The following DAB1 variants were observed in gnomAD, a reference collection of about 807,000 sequenced individuals.
The protein encoded by DAB1 is disabled homolog 1.
Under a neutral mutation model 64.6 loss-of-function variants are expected in DAB1, and 15 were observed. That is an observed-to-expected ratio of 0.23 (90% CI 0.16 to 0.36). DAB1 has a LOEUF of 0.36. Among genes scored for constraint, DAB1 ranks in the 10% least tolerant of loss-of-function variants. The probability of loss-of-function intolerance (pLI) is 1.00; values close to 1 mark genes in which losing one functional copy is unlikely to be tolerated. For missense variants in DAB1, 596 were observed against 706.7 expected (o/e 0.84, Z 1.78); for synonymous variants, 235 against 251.9 (o/e 0.93, Z 0.64).
At chr1:58,052,127 T>G (rs1202978625) in intron 5 of DAB1, among the ~76,000 whole-genome samples, 1 of 152,244 alleles carries the variant, frequency 6.6e-6, no homozygotes, top group African/African-American at 2.4e-5. Flanking sequence ...CCCATGCCTA[T>G]GTCCTGAATG....
intron 6 of DAB1, among the ~76,000 whole-genome samples, chr1:57,792,822 T>A (rs945388330): frequency 6.6e-6 from 1 of 152,206 alleles, no homozygotes; most frequent in Non-Finnish European, 1.5e-5. Context: ...AGGAGCTCAA[T>A]ACATATTTTT....
intron 4 of DAB1, among the ~76,000 whole-genome samples, chr1:58,284,216 G>A (rs576327461): frequency 6.6e-6 from 1 of 152,320 alleles, no homozygotes; most frequent in Non-Finnish European, 1.5e-5. Context: ...TAAAATTCTG[G>A]TATTTTGTTT....
At chr1:57,355,309 T>C (rs1161299251) in intron 1 of DAB1, among the ~76,000 whole-genome samples, 1 of 151,900 alleles carries the variant, frequency 6.6e-6, no homozygotes, top group Non-Finnish European at 1.5e-5. Flanking sequence ...CTTACCTACC[T>C]ACTTATCTAT....
chr1:58,223,627 C>T (rs367645275), intron 4 of DAB1, among the ~76,000 whole-genome samples: 24 of 152,200 alleles, frequency 1.6e-4, no homozygotes, highest in Admixed American at 9.2e-4. Flanking sequence ...TTCAGCCCAA[C>T]GAATCTGAAG....
chr1:57,799,718 T>A (rs746324241), intron 6 of DAB1, among the ~76,000 whole-genome samples: 5 of 152,098 alleles, frequency 3.3e-5, no homozygotes, highest in Admixed American at 2.6e-4. Flanking sequence ...CTAAGAATGG[T>A]TTTTACATTT....
chr1:57,639,524 G>A (rs185416040), intron 7 of DAB1, among the ~76,000 whole-genome samples: 2 of 152,256 alleles, frequency 1.3e-5, no homozygotes, highest in Admixed American at 1.3e-4. Context: ...AATTGAGCAG[G>A]ATACTCAGAG....
At chr1:58,189,941 GT>G (rs1657295323) in intron 4 of DAB1, among the ~76,000 whole-genome samples, 1 of 152,138 alleles carries the variant, frequency 6.6e-6, no homozygotes, top group African/African-American at 2.4e-5. Flanking sequence ...GCACACCCTT[GT>G]ATTTGTCCTC....
At chr1:58,290,047 A>C (rs145780996) in intron 4 of DAB1, among the ~76,000 whole-genome samples, 1 of 152,190 alleles carries the variant, frequency 6.6e-6, no homozygotes, top group Admixed American at 6.5e-5. Flanking sequence ...TCAGTTAAAA[A>C]CCACAAATAT....
intron 3 of DAB1, among the ~76,000 whole-genome samples, chr1:58,344,528 A>G (rs954403839): frequency 4.6e-5 from 7 of 152,164 alleles, no homozygotes; most frequent in African/African-American, 1.7e-4. Flanking sequence ...TGCAGACCTG[A>G]GCTGTCTCAC....
chr1:58,401,723 A>G (rs1644569977), intron 3 of DAB1, among the ~76,000 whole-genome samples: 1 of 152,242 alleles, frequency 6.6e-6, no homozygotes, highest in African/African-American at 2.4e-5. Context: ...CAAAAAACTC[A>G]GCATATAATG....
chr1:58,497,126 A>G (rs1645815984), intron 3 of DAB1, among the ~76,000 whole-genome samples: 1 of 152,230 alleles, frequency 6.6e-6, no homozygotes, highest in African/African-American at 2.4e-5. Flanking sequence ...GTATATATAG[A>G]AACAAGTTAG....
intron 1 of DAB1, chr1:57,862,678 C>G (rs1220146002): frequency 6.6e-6 from 1 of 152,100 alleles, no homozygotes; most frequent in Non-Finnish European, 1.5e-5. Context: ...CGAATACATT[C>G]AAAGATGCTG....
chr1:57,106,527 G>A (rs984664763), intron 4 of DAB1, among the ~76,000 whole-genome samples: 1 of 152,156 alleles, frequency 6.6e-6, no homozygotes, highest in African/African-American at 2.4e-5. Flanking sequence ...CAGTTGATGG[G>A]GTGGAGCTTG....
At chr1:57,880,846 C>T (rs1371102734) in intron 1 of DAB1, 1 of 152,134 alleles carries the variant, frequency 6.6e-6, no homozygotes, top group Admixed American at 6.5e-5. Context: ...TCAAAACACC[C>T]ATTAAAGTGC....
At chr1:57,527,458 A>G (rs1644606474) in intron 7 of DAB1, among the ~76,000 whole-genome samples, 1 of 152,178 alleles carries the variant, frequency 6.6e-6, no homozygotes, top group Non-Finnish European at 1.5e-5. Flanking sequence ...CAGCAACTGA[A>G]GTTTAGATAA....
At chr1:57,415,777 G>A (rs2101071820) in intron 1 of DAB1, among the ~76,000 whole-genome samples, 1 of 152,230 alleles carries the variant, frequency 6.6e-6, no homozygotes, top group Non-Finnish European at 1.5e-5. Flanking sequence ...ACCACCACAT[G>A]CCATCATTAT....
At chr1:58,164,172 C>T (rs150080757) in intron 4 of DAB1, among the ~76,000 whole-genome samples, 40 of 140,348 alleles carry the variant, frequency 2.9e-4, no homozygotes, top group African/African-American at 1.1e-3. Flanking sequence ...TACTAAACAA[C>T]TCAAGAGAGC....
chr1:57,246,327 C>T (rs1910690), intron 2 of DAB1, among the ~76,000 whole-genome samples: 61,780 of 152,058 alleles, frequency 0.41, 14,835 homozygotes, highest in Non-Finnish European at 0.52. Flanking sequence ...CCAGCTCCAC[C>T]CATGGCTAAA....
At chr1:58,464,971 G>C (rs939258982) in intron 3 of DAB1, among the ~76,000 whole-genome samples, 20 of 152,194 alleles carry the variant, frequency 1.3e-4, no homozygotes, top group Admixed American at 1.3e-3. Flanking sequence ...GGCAGAAACA[G>C]ACTCAGAAGA....
Sources: allele counts gnomAD v4.1 joint callset (sites outside exome capture counted in the v4.1 genomes callset), GRCh38; gene constraint gnomAD v4.1.1; transcripts MANE v1.5; gene names NCBI Gene and HGNC (gene_info 2026-07-23, HGNC 2026-07-21).